Variants in GTF2H3 observed in about 807,000 individuals in gnomAD.
GTF2H3 encodes general transcription factor IIH subunit 3, also known as TFIIH basal transcription factor complex p34 subunit.
GTF2H3 carries 42 observed loss-of-function variants against 51.1 expected under a neutral mutation model. The observed-to-expected ratio is 0.82, with a 90% CI of 0.64 to 1.06. GTF2H3 has a LOEUF of 1.06. GTF2H3 is among the 50% of genes least tolerant of loss of function. GTF2H3 has a pLI of 0.00. For synonymous variants in GTF2H3, 123 were observed against 123.8 expected (o/e 0.99, Z 0.04); for missense variants, 326 against 366.1 (o/e 0.89, Z 0.89).
Position 123,651,063 on chromosome 12 carries a change from T to C in GTF2H3, c.427+7T>C. ...CTGGCCAAAGCCCTTTGCTGTATCC[T>C]TGGTGTCTGAATCATTTAGAAGGTG... On this transcript the variant is annotated splice_region_variant and intron_variant, in intron 5 of 12. Transcript: ENST00000543341. The C allele has an allele frequency of 6.2e-7, 1 of 1,604,562 alleles. No homozygotes were observed. The highest frequency in any genetic ancestry group is 8.5e-7 in the Non-Finnish European group (1 of 1,171,360).
At chr12:123,635,595 T>TAG (rs1955270643) in intron 1 of GTF2H3, among the ~76,000 whole-genome samples, 1 of 136,592 alleles carries the variant, frequency 7.3e-6, no homozygotes, top group Non-Finnish European at 1.6e-5. Context: ...AAAAAAAAGG[T>TAG]AGAGATAAGG....
At chr12:123,655,558 G>A (rs1003852505) in intron 8 of GTF2H3, 1 of 473,992 alleles carries the variant, frequency 2.1e-6, no homozygotes, top group African/African-American at 2.0e-5. Flanking sequence ...CATGCCGAGT[G>A]GGGTGACAGC....
chr12:123,649,970 T>C (rs1955499917), intron 4 of GTF2H3: 1 of 152,198 alleles, frequency 6.6e-6, no homozygotes, highest in African/African-American at 2.4e-5. Flanking sequence ...AGTTTCTGAT[T>C]CACTGGATCT....
Position 123,660,287 on chromosome 12 carries a change from A to G in GTF2H3, c.*52A>G. ...GAGCTGTTAATAGAAATTATATAGC[A>G]GATTCTTTGTTGGGAAGACTGAAAA... On this transcript the variant is annotated 3_prime_UTR_variant, in exon 13 of 13. Transcript: ENST00000543341. 7.7e-7 allele frequency: 1 copy of G among 1,300,806 alleles called. No individual in the cohort carries two copies. The highest frequency in any genetic ancestry group is 1.3e-5 in the South Asian group (1 of 77,914). 80.6% of individuals were successfully genotyped at this position (1,300,806 alleles called of 1,614,324 possible). A position where few individuals can be genotyped will look rare whatever the true frequency, so the allele number is the denominator to read the frequency against.
rs1955480312 is a variant in GTF2H3, at chr12:123,648,574, C to G, written c.364+448C>G. Among the ~76,000 whole-genome samples the G allele has an allele frequency of 3.9e-5, 6 of 152,288 alleles. No homozygotes were observed. In the South Asian group the frequency reaches 1.2e-3, roughly 32 times the overall value. On this transcript the variant is annotated intron_variant, in intron 4 of 12. Transcript: ENST00000543341. ...CCAGACTTTCTTTCATGCTCAAATG[C>G]CTCCATTTCAGCGTCCCACAGTCTC...
intron 12 of GTF2H3, 24 bp downstream of exon 12, chr12:123,660,106 G>A (rs1223899420): frequency 6.2e-7 from 1 of 1,607,736 alleles, no homozygotes; most frequent in African/African-American, 1.3e-5. Context: ...AGATTGTGTG[G>A]GTGGCTAATA....
intron 2 of GTF2H3, among the ~76,000 whole-genome samples, chr12:123,642,360 G>A (rs1246088278): frequency 6.6e-6 from 1 of 151,678 alleles, no homozygotes; most frequent in African/African-American, 2.4e-5. Flanking sequence ...CAGTAGAGAC[G>A]GGGTTTCGCC....
intron 5 of GTF2H3, 157 bp downstream of exon 5, chr12:123,651,213 A>ATT: frequency 1.9e-6 from 1 of 537,334 alleles, no homozygotes. Context: ...TTGGCTTTGA[A>ATT]TTTTTTTTTC....
rs771584402 is a variant in GTF2H3 at position 123,659,856 on chromosome 12, T to C, written c.746T>C (p.Val249Ala). Residue 249 changes from valine to alanine, a missense_variant, in exon 11 of 13, where the codon GTT becomes GCT. By Grantham distance (64) the Val-to-Ala change is moderately conservative (BLOSUM62 0). Coordinates refer to ENST00000543341, the MANE Select transcript of GTF2H3 (RefSeq NM_001516.5). ...TTAATCCTCCCACCCCCAGTTCATGTTGACTACAGGGCTGCTTGCTTCTGT... is the reference window on the plus strand; with the variant it reads ...TTAATCCTCCCACCCCCAGTTCATGCTGACTACAGGGCTGCTTGCTTCTGT... ...SQLILPPPVH[V>A]DYRAACFCHR... 1 of 1,613,998 alleles carries C rather than the reference T, an allele frequency of 6.2e-7. No homozygotes were observed. The highest frequency in any genetic ancestry group is 1.1e-5 in the South Asian group (1 of 91,082).
Position 123,660,423 on chromosome 12 carries a change from A to G in GTF2H3, c.*188A>G, listed in dbSNP as rs957153027. ...GAGGACTGATTTGTTTGAGGGAATC[A>G]TTCTATGCATTATATCCTAAAATAT... is the stretch of plus-strand genomic sequence containing the variant. On this transcript the variant is annotated 3_prime_UTR_variant, in exon 13 of 13. Coordinates refer to ENST00000543341, the MANE Select transcript of GTF2H3 (RefSeq NM_001516.5). 2.0e-6 allele frequency: 1 copy of G among 512,186 alleles called. No homozygotes were observed. Among genetic ancestry groups the G allele is most frequent in the Non-Finnish European group, 3.4e-6 (1 of 291,290 alleles). The allele number at this position is 512,186 out of a possible 1,614,324, so 31.7% of individuals were successfully genotyped here. A position where few individuals can be genotyped will look rare whatever the true frequency, so the allele number is the denominator to read the frequency against.
chr12:123,651,774 C>T (rs889382645), intron 5 of GTF2H3, among the ~76,000 whole-genome samples: 1 of 150,740 alleles, frequency 6.6e-6, no homozygotes, highest in South Asian at 2.1e-4. Context: ...GAGCTGAAAT[C>T]GCACCACTGC....
intron 2 of GTF2H3, among the ~76,000 whole-genome samples, chr12:123,644,056 C>A (rs979108095): frequency 5.3e-5 from 8 of 152,050 alleles, no homozygotes; most frequent in Non-Finnish European, 1.0e-4. Context: ...GTCTCAAACT[C>A]CTGACCACAG....
rs759934273 is a variant in GTF2H3 at position 123,655,021 on chromosome 12, A to G, written c.561+23A>G. 3.2e-6 allele frequency: 5 copies of G among 1,586,134 alleles called. No homozygotes were observed. The South Asian group carries it at 5.5e-5, about 18-fold the overall frequency. On this transcript the variant is annotated intron_variant, in intron 8 of 12. Transcript: ENST00000543341. ...CAGGTGAACTGAGAGCCTGCCGTTT[A>G]AAGTATTTGTTTCATAACGAAGGAG...
At chr12:123,639,898 C>CATGT (rs1555286889) in intron 2 of GTF2H3, 10 of 449,950 alleles carry the variant, frequency 2.2e-5, no homozygotes, top group Non-Finnish European at 3.1e-5. Context: ...TGCGTGCGTG[C>CATGT]GTGTATGTGT....
chr12:123,658,271 T>C (rs540822248), intron 9 of GTF2H3, among the ~76,000 whole-genome samples: 1 of 152,118 alleles, frequency 6.6e-6, no homozygotes, highest in South Asian at 2.1e-4. Flanking sequence ...CAGGCTGGAG[T>C]GCAATGGTAC....
At chr12:123,641,599 G>A (rs1955375656) in intron 2 of GTF2H3, among the ~76,000 whole-genome samples, 1 of 150,820 alleles carries the variant, frequency 6.6e-6, no homozygotes, top group Admixed American at 6.6e-5. Context: ...GCAGTGCTAG[G>A]ATTACAAGTG....
rs1443163111 is a variant in GTF2H3, at chr12:123,655,011, CCTGCCGTTTA to C, written c.561+14_561+23del. On this transcript the variant is annotated intron_variant, in intron 8 of 12. Coordinates refer to ENST00000543341, the MANE Select transcript of GTF2H3 (RefSeq NM_001516.5). The stretch of plus-strand genomic sequence containing the variant: ...AGCACAGAAACAGGTGAACTGAGAG[CCTGCCGTTTA>C]AAGTATTTGTTTCATAACGAAGGAG... The C allele has an allele frequency of 6.3e-7, 1 of 1,597,986 alleles. No individual in the cohort carries two copies. The highest frequency in any genetic ancestry group is 8.6e-7 in the Non-Finnish European group (1 of 1,165,330).
chr12:123,640,988 C>G (rs1176629721), intron 2 of GTF2H3, among the ~76,000 whole-genome samples: 1 of 151,990 alleles, frequency 6.6e-6, no homozygotes, highest in Admixed American at 6.6e-5. Flanking sequence ...GTGAAGTGTT[C>G]TATAAATGTC....
At chr12:123,648,756 C>G (rs1390323715) in intron 4 of GTF2H3, among the ~76,000 whole-genome samples, 1 of 152,184 alleles carries the variant, frequency 6.6e-6, no homozygotes, top group Admixed American at 6.5e-5. Flanking sequence ...CTACAAAATC[C>G]TAGTCGTTTA....
Sources: gnomAD v4.1 joint callset for allele counts (sites outside exome capture counted in the v4.1 genomes callset) on GRCh38, gnomAD v4.1.1 for gene constraint, MANE v1.5 for transcripts, NCBI Gene and HGNC (gene_info 2026-07-23, HGNC 2026-07-21) for gene names.